BAK1: variants seen among roughly 807,000 people sequenced by gnomAD.
BAK1 encodes bcl-2 homologous antagonist/killer.
In BAK1, 19 loss-of-function variants were observed where a neutral mutation model predicts 24.7. That is an observed-to-expected ratio of 0.77 (90% confidence interval 0.54 to 1.13). The LOEUF (loss-of-function observed/expected upper bound fraction) is 1.13, where lower values mean the gene tolerates loss of function less well. BAK1 is among the 50% of genes most tolerant of loss of function. The pLI is 0.00. For missense variants in BAK1, 194 were observed against 279.4 expected, an observed-to-expected ratio of 0.69 and a Z score of 2.18; for synonymous variants, 86 against 107.3, an observed-to-expected ratio of 0.80 and a Z score of 1.23.
intron 4 of BAK1, 84 bp from the exon 5 acceptor site, chr6:33,574,298 G>A: frequency 5.2e-6 from 8 of 1,529,722 alleles, no homozygotes; most frequent in Non-Finnish European, 5.3e-6. Flanking sequence ...CCCTCTCCCA[G>A]CTGGAAGCTA....
At position 33,578,744 on chromosome 6, in the gene BAK1, GTTTCAC is replaced by G. The variant is rs530625550; in HGVS notation, c.-31-1115_-31-1110del. 2.0e-5 allele frequency among the ~76,000 whole-genome samples: 3 copies of G among 152,242 alleles called. No homozygotes were observed. The South Asian group carries it at 6.2e-4, about 32-fold the overall frequency. On this transcript the variant is annotated intron_variant, in intron 1 of 5. Coordinates refer to ENST00000374467, the MANE Select transcript of BAK1 (RefSeq NM_001188.4). The surrounding 1 kb of genome is among the most constrained non-coding windows in gnomAD (Gnocchi z 4.8). ...GGCGAGTGTTTCCTGGATGTCAGCT[GTTTCAC>G]TTTCAGTTTGCACCCCTCCCAGAGC...
Position 33,573,391 on chromosome 6 carries a change from A to G in BAK1, c.*412T>C, listed in dbSNP as rs5745598. ...ATAGACCCACCAATCCCCACACCCCAGACGTCCTGGCCTCAGGTAGAATGG... is the reference window on the plus strand; with the variant it reads ...ATAGACCCACCAATCCCCACACCCCGGACGTCCTGGCCTCAGGTAGAATGG... On this transcript the variant is annotated 3_prime_UTR_variant, in exon 6 of 6. Transcript: ENST00000374467. 9,727 of 195,988 alleles carry G rather than the reference A, an allele frequency of 0.05. 1,005 individuals are homozygous for G. Among genetic ancestry groups the G allele is most frequent in the African/African-American group, 0.21 (9,049 of 43,196 alleles). 12.1% of individuals were successfully genotyped at this position (195,988 alleles called of 1,614,324 possible). A position where few individuals can be genotyped will look rare whatever the true frequency, so the allele number is the denominator to read the frequency against.
Position 33,577,612 on chromosome 6 carries a change from G to A in BAK1, c.-8C>T, listed in dbSNP as rs1762868946. ...GCCTTGCCCCGAAGCCATTTTTCAG[G>A]TCTCAGTGGAGGACGGGATCAGCCT... On this transcript the variant is annotated 5_prime_UTR_variant, in exon 2 of 6. Transcript: ENST00000374467. This position sits in a 1 kb window ranked among gnomAD's most constrained non-coding sequence, Gnocchi z 4.6. 20 of 1,548,626 alleles carry A rather than the reference G, an allele frequency of 1.3e-5. No individual in the cohort carries two copies. In the Middle Eastern group the frequency reaches 5.0e-4, roughly 39 times the overall value.
intron 4 of BAK1, 181 bp from the exon 5 acceptor site, chr6:33,574,395 A>T (rs210136): frequency 0.019 from 27,181 of 1,467,840 alleles, 400 homozygotes; most frequent in African/African-American, 0.056. Flanking sequence ...GAAAGGAGAA[A>T]GCTCAGGGGC....
intron 4 of BAK1, 170 bp from the exon 5 acceptor site, chr6:33,574,384 C>T (rs746820641): frequency 1.4e-5 from 20 of 1,456,446 alleles, no homozygotes; most frequent in African/African-American, 5.6e-5. Context: ...TGGGTCTCTG[C>T]GAAAGGAGAA....
chr6:33,577,161 T>C lies in BAK1; in HGVS notation c.70+374A>G, dbSNP rs1011081167. Among the ~76,000 whole-genome samples, 1 of 152,178 alleles carries C rather than the reference T, an allele frequency of 6.6e-6. No homozygotes were observed. Among genetic ancestry groups the C allele is most frequent in the Non-Finnish European group, 1.5e-5 (1 of 68,032 alleles). ...AAGTCACAATAATTGCGTTCCCTGT[T>C]GAGCAGACCTGACTGGGTGATTGGC... On this transcript the variant is annotated intron_variant, in intron 2 of 5. Coordinates refer to ENST00000374467, the MANE Select transcript of BAK1 (RefSeq NM_001188.4). The surrounding 1 kb of genome is among the most constrained non-coding windows in gnomAD (Gnocchi z 4.6).
chr6:33,579,634 CCTGGGCTTG>C (rs922862411), intron 1 of BAK1, among the ~76,000 whole-genome samples: 32 of 152,242 alleles, frequency 2.1e-4, no homozygotes, highest in African/African-American at 5.5e-4. Flanking sequence ...CCCCCGACTT[CCTGGGCTTG>C]CTGGGCCCCG....
At position 33,577,722 on chromosome 6, in the gene BAK1, G is replaced by T; in HGVS notation, c.-31-87C>A. 1 of 896,568 alleles carries T rather than the reference G, an allele frequency of 1.1e-6. No individual in the cohort carries two copies. The allele number at this position is 896,568 out of a possible 1,614,324, so 55.5% of individuals were successfully genotyped here. On this transcript the variant is annotated intron_variant, in intron 1 of 5. Coordinates refer to ENST00000374467, the MANE Select transcript of BAK1 (RefSeq NM_001188.4). This position sits in a 1 kb window ranked among gnomAD's most constrained non-coding sequence, Gnocchi z 4.6. Reference sequence around the variant, plus strand: ...CCATACAGGTTGCCATGTCCACATAGGAGAGAGGATCCCCCATTCCCAGAA... The same window carrying T: ...CCATACAGGTTGCCATGTCCACATATGAGAGAGGATCCCCCATTCCCAGAA...
In BAK1 at chr6:33,577,459, C is replaced by A; in HGVS notation, c.70+76G>T. 7.4e-7 allele frequency: 1 copy of A among 1,351,110 alleles called. No individual in the cohort carries two copies. The highest frequency in any genetic ancestry group is 1.0e-6 in the Non-Finnish European group (1 of 1,004,564). The allele number at this position is 1,351,110 out of a possible 1,614,324, so 83.7% of individuals were successfully genotyped here. A position where few individuals can be genotyped will look rare whatever the true frequency, so the allele number is the denominator to read the frequency against. On this transcript the variant is annotated intron_variant, in intron 2 of 5. Transcript: ENST00000374467. This position sits in a 1 kb window ranked among gnomAD's most constrained non-coding sequence, Gnocchi z 4.6. ...GGGTGAACCGAGGCGAAGGAGCCTG[C>A]CTGAGTCCTGCTCCTTCCATCCTCA...
rs1378121397 is a variant in BAK1, at chr6:33,574,044, C to T, written c.521G>A (p.Arg174Lys). 2 of 1,614,004 alleles carry T rather than the reference C, an allele frequency of 1.2e-6. No individual in the cohort carries two copies. The highest frequency in any genetic ancestry group is 1.1e-5 in the South Asian group (1 of 91,090). ...TCCTTGGATACTCACCCAGCCACCCCTCTGTGCAATCCACCGGGCAATGCA... is the reference window on the plus strand; with the variant it reads ...TCCTTGGATACTCACCCAGCCACCCTTCTGTGCAATCCACCGGGCAATGCA... ...HHCIARWIAQ[R>K]GGWVAALNLG... The change falls in exon 5 of 6, where the codon AGG becomes AAG. Residue 174 changes from arginine to lysine, a missense_variant. By Grantham distance (26) the Arg-to-Lys change is conservative (BLOSUM62 2). Transcript: ENST00000374467.
intron 1 of BAK1, among the ~76,000 whole-genome samples, chr6:33,579,197 T>C (rs1005201704): frequency 6.6e-6 from 1 of 152,038 alleles, no homozygotes; most frequent in Non-Finnish European, 1.5e-5. Context: ...AATACAAAAA[T>C]TAGCTGGGCA....
chr6:33,575,496 C>T lies in BAK1; in HGVS notation c.207-55G>A. 6.2e-7 allele frequency: 1 copy of T among 1,610,032 alleles called. No homozygotes were observed. Among genetic ancestry groups the T allele is most frequent in the South Asian group, 1.1e-5 (1 of 90,882 alleles). On this transcript the variant is annotated intron_variant, in intron 3 of 5. Transcript: ENST00000374467. This position sits in a 1 kb window ranked among gnomAD's most constrained non-coding sequence, Gnocchi z 6.3. Reference sequence around the variant, plus strand: ...CAGTAACCAGGCAGTCGGGACCAGGCCCTGGCTCATGGCAGAGGGGTTCTG... The same window carrying T: ...CAGTAACCAGGCAGTCGGGACCAGGTCCTGGCTCATGGCAGAGGGGTTCTG...
At position 33,577,056 on chromosome 6, in the gene BAK1, C is replaced by G. The variant is rs1231011233; in HGVS notation, c.70+479G>C. Reference sequence around the variant, plus strand: ...CTGATTCCCAAGTCCAGGGAACAGCCCGCCGTGAGGTGTGAGCTGGGGCTT... The same window carrying G: ...CTGATTCCCAAGTCCAGGGAACAGCGCGCCGTGAGGTGTGAGCTGGGGCTT... On this transcript the variant is annotated intron_variant, in intron 2 of 5. Coordinates refer to ENST00000374467, the MANE Select transcript of BAK1 (RefSeq NM_001188.4). The surrounding 1 kb of genome is among the most constrained non-coding windows in gnomAD (Gnocchi z 4.6). 6.6e-6 allele frequency among the ~76,000 whole-genome samples: 1 copy of G among 152,166 alleles called. No homozygotes were observed. The highest frequency in any genetic ancestry group is 1.5e-5 in the Non-Finnish European group (1 of 68,022).
Position 33,575,278 on chromosome 6 carries a change from C to CAG in BAK1, c.350+18_350+19dup. ...ATGACAGAGGAGTGACTGGAGCTGGCAGGGAGGTGGCTGGGGTACCTGGTG... is the reference window on the plus strand; with the variant it reads ...ATGACAGAGGAGTGACTGGAGCTGGCAGAGGGAGGTGGCTGGGGTACCTGGTG... On this transcript the variant is annotated intron_variant, in intron 4 of 5. Coordinates refer to ENST00000374467, the MANE Select transcript of BAK1 (RefSeq NM_001188.4). The surrounding 1 kb of genome is among the most constrained non-coding windows in gnomAD (Gnocchi z 6.3). 6.2e-7 allele frequency: 1 copy of CAG among 1,614,160 alleles called. No individual in the cohort carries two copies. The highest frequency in any genetic ancestry group is 1.1e-5 in the South Asian group (1 of 91,078).
Position 33,573,844 on chromosome 6 carries a change from G to A in BAK1, c.595C>T (p.Leu199=). The change falls in exon 6 of 6, where the codon CTG becomes TTG. Residue 199 remains leucine (L), a synonymous_variant. Coordinates refer to ENST00000374467, the MANE Select transcript of BAK1 (RefSeq NM_001188.4). Reference sequence around the variant, plus strand: ...CTTCGTACCACAAACTGGCCCAACAGAACCACACCCAGAACCACCAGCACG... The same window carrying A: ...CTTCGTACCACAAACTGGCCCAACAAAACCACACCCAGAACCACCAGCACG... ...LNVLVVLGVV[L]LGQFVVRRFF... is the part of the protein sequence containing the mutation. The A allele has an allele frequency of 6.2e-7, 1 of 1,614,158 alleles. No individual in the cohort carries two copies. Among genetic ancestry groups the A allele is most frequent in the South Asian group, 1.1e-5 (1 of 91,056 alleles).
intron 1 of BAK1, among the ~76,000 whole-genome samples, 174 bp downstream of exon 1, chr6:33,579,851 G>GAGGGGCAGCC (rs1242561386): frequency 6.6e-6 from 1 of 152,262 alleles, no homozygotes; most frequent in Non-Finnish European, 1.5e-5. Context: ...GGGAAGCTGT[G>GAGGGGCAGCC]AGGGGCAGCC....
rs1023521318 is a variant in BAK1 at position 33,577,730 on chromosome 6, G to T, written c.-31-95C>A. On this transcript the variant is annotated intron_variant, in intron 1 of 5. Transcript: ENST00000374467. This position sits in a 1 kb window ranked among gnomAD's most constrained non-coding sequence, Gnocchi z 4.6. ...GTTGCCATGTCCACATAGGAGAGAG[G>T]ATCCCCCATTCCCAGAAAGGCCCTT... 2.7e-5 allele frequency: 23 copies of T among 837,600 alleles called. No individual in the cohort carries two copies. Among genetic ancestry groups the T allele is most frequent in the Non-Finnish European group, 3.8e-5 (21 of 557,146 alleles). The allele number at this position is 837,600 out of a possible 1,614,324, so 51.9% of individuals were successfully genotyped here.
Position 33,575,038 on chromosome 6 carries a change from C to G in BAK1, c.350+260G>C, listed in dbSNP as rs1762820040. ...CTGTGGGGGACGTCCCCACCTCAGG[C>G]CCCCTCTAGAGTCCTGATCTAACCA... is the stretch of plus-strand genomic sequence containing the variant. On this transcript the variant is annotated intron_variant, in intron 4 of 5. Coordinates refer to ENST00000374467, the MANE Select transcript of BAK1 (RefSeq NM_001188.4). This position sits in a 1 kb window ranked among gnomAD's most constrained non-coding sequence, Gnocchi z 6.3. 6.6e-6 allele frequency among the ~76,000 whole-genome samples: 1 copy of G among 152,232 alleles called. No homozygotes were observed. Among genetic ancestry groups the G allele is most frequent in the Non-Finnish European group, 1.5e-5 (1 of 68,040 alleles).
chr6:33,574,380 T>C (rs958608414), intron 4 of BAK1, 166 bp from the exon 5 acceptor site: 20 of 1,450,984 alleles, frequency 1.4e-5, no homozygotes, highest in Non-Finnish European at 1.9e-5. Flanking sequence ...AACCTGGGTC[T>C]CTGCGAAAGG....
Sources: gnomAD v4.1 joint callset for allele counts (sites outside exome capture counted in the v4.1 genomes callset) on GRCh38, gnomAD v4.1.1 for gene constraint, Gnocchi (gnomAD v3.1) non-coding constraint, MANE v1.5 for transcripts, NCBI Gene and HGNC (gene_info 2026-07-23, HGNC 2026-07-21) for gene names.